Variants in MAL2 observed in about 807,000 individuals in gnomAD.
MAL2 encodes the protein protein MAL2.
In MAL2, 17 loss-of-function variants were observed where a neutral mutation model predicts 18.1. The ratio of observed to expected loss-of-function variants is 0.94; its 90% CI spans 0.64 to 1.41. The LOEUF is 1.41. Ranked by LOEUF, MAL2 falls within the 40% of genes most tolerant of loss-of-function variation. The pLI is 0.00. For missense variants in MAL2, 222 were observed against 231.9 expected, an observed-to-expected ratio of 0.96 and a Z score of 0.28; for synonymous variants, 102 against 102.3, an observed-to-expected ratio of 1.00 and a Z score of 0.02.
At chr8:119,219,776 A>G (rs1817433524) in intron 1 of MAL2, among the ~76,000 whole-genome samples, 1 of 152,222 alleles carries the variant, frequency 6.6e-6, no homozygotes, top group South Asian at 2.1e-4. Flanking sequence ...ATGGAGAGCC[A>G]AAGGGATTTA....
Position 119,243,465 on chromosome 8 carries a change from G to C in MAL2, c.508G>C (p.Ala170Pro). The C allele has an allele frequency of 6.2e-7, 1 of 1,601,130 alleles. No individual in the cohort carries two copies. The highest frequency in any genetic ancestry group is 2.2e-5 in the East Asian group (1 of 44,612). The change falls in exon 4 of 4, where the codon GCT (alanine) becomes CCT (proline). Residue 170 changes from alanine (A) to proline (P), a missense_variant. Physicochemically the swap from Ala to Pro is conservative, Grantham distance 27. Coordinates refer to ENST00000614891, the MANE Select transcript of MAL2 (RefSeq NM_052886.3). ...TACYGCSLGL[A>P]LRRWRP Reference sequence around the variant, plus strand: ...TTGTTATGGTTGCAGTTTGGGTCTGGCTTTACGAAGATGGCGACCGTAACA... The same window carrying C: ...TTGTTATGGTTGCAGTTTGGGTCTGCCTTTACGAAGATGGCGACCGTAACA...
intron 2 of MAL2, among the ~76,000 whole-genome samples, chr8:119,225,703 C>G (rs1381305994): frequency 1.3e-5 from 2 of 152,182 alleles, no homozygotes; most frequent in Non-Finnish European, 2.9e-5. Context: ...ACACTGACTT[C>G]CACAATGGTT....
At chr8:119,236,514 C>A (rs992210031) in intron 2 of MAL2, among the ~76,000 whole-genome samples, 3 of 151,224 alleles carry the variant, frequency 2.0e-5, no homozygotes, top group Admixed American at 1.3e-4. Flanking sequence ...CCACACCACA[C>A]CTATTCCAAA....
chr8:119,219,092 T>C (rs1817413286), intron 1 of MAL2, among the ~76,000 whole-genome samples: 1 of 152,220 alleles, frequency 6.6e-6, no homozygotes, highest in Non-Finnish European at 1.5e-5. Context: ...TTTTTTCTTT[T>C]ATAGGCACTG....
At chr8:119,213,480 A>AT (rs1249160478) in intron 1 of MAL2, among the ~76,000 whole-genome samples, 3 of 151,950 alleles carry the variant, frequency 2.0e-5, no homozygotes, top group Admixed American at 6.6e-5. Flanking sequence ...AACTGTAGGT[A>AT]TTTTTTTTCC....
chr8:119,212,783 A>G (rs1473174605), intron 1 of MAL2, among the ~76,000 whole-genome samples: 2 of 152,154 alleles, frequency 1.3e-5, no homozygotes, highest in East Asian at 1.9e-4. Context: ...AAGAAGGACA[A>G]TGGCAAGAAC....
intron 2 of MAL2, among the ~76,000 whole-genome samples, chr8:119,226,206 C>A (rs1036003651): frequency 6.6e-6 from 1 of 152,052 alleles, no homozygotes; most frequent in African/African-American, 2.4e-5. Flanking sequence ...GACATGAAGT[C>A]CTTGCCCATG....
chr8:119,243,110 G>A (rs1048431807), intron 3 of MAL2, among the ~76,000 whole-genome samples: 1 of 152,142 alleles, frequency 6.6e-6, no homozygotes, highest in Non-Finnish European at 1.5e-5. Flanking sequence ...AGTGCTTAGG[G>A]ATTCACAAAT....
rs573724416 is a variant in MAL2, at chr8:119,237,930, T to A, written c.304-2235T>A. Among the ~76,000 whole-genome samples, 7 of 152,344 alleles carry A rather than the reference T, an allele frequency of 4.6e-5. No individual in the cohort carries two copies. The East Asian group carries it at 1.2e-3, about 25-fold the overall frequency. Reference sequence around the variant, plus strand: ...TCCTATTCAACATAGTGTTGGAAGTTCTGGCCAGGGCCATCAGGCAGAAGG... The same window carrying A: ...TCCTATTCAACATAGTGTTGGAAGTACTGGCCAGGGCCATCAGGCAGAAGG... On this transcript the variant is annotated intron_variant, in intron 2 of 3. Coordinates refer to ENST00000614891, the MANE Select transcript of MAL2 (RefSeq NM_052886.3).
chr8:119,232,402 G>C (rs1032833436), intron 2 of MAL2, among the ~76,000 whole-genome samples: 1 of 152,084 alleles, frequency 6.6e-6, no homozygotes, highest in Non-Finnish European at 1.5e-5. Context: ...ATAAGGATGA[G>C]TAATAATGCA....
chr8:119,235,520 A>AG (rs1398277538), intron 2 of MAL2, among the ~76,000 whole-genome samples: 1 of 137,164 alleles, frequency 7.3e-6, no homozygotes, highest in East Asian at 2.2e-4. Context: ...GTTGAAATGA[A>AG]GGAAAAAATG....
intron 2 of MAL2, 57 bp downstream of exon 2, chr8:119,221,814 T>A: frequency 6.4e-7 from 1 of 1,565,668 alleles, no homozygotes; most frequent in Non-Finnish European, 8.7e-7. Flanking sequence ...CTGTATCCTA[T>A]TCTGTTCTGA....
At chr8:119,223,637 T>C (rs1432544097) in intron 2 of MAL2, among the ~76,000 whole-genome samples, 4 of 152,194 alleles carry the variant, frequency 2.6e-5, no homozygotes, top group African/African-American at 9.7e-5. Context: ...AGTAGTCTTT[T>C]AGCTCAGTAG....
At chr8:119,214,100 A>G (rs1414797126) in intron 1 of MAL2, among the ~76,000 whole-genome samples, 1 of 152,194 alleles carries the variant, frequency 6.6e-6, no homozygotes, top group Non-Finnish European at 1.5e-5. Context: ...ATTTGCAGTG[A>G]TATGGCTGAA....
intron 1 of MAL2, among the ~76,000 whole-genome samples, chr8:119,217,013 G>T (rs1156667580): frequency 6.6e-6 from 1 of 152,218 alleles, no homozygotes; most frequent in Non-Finnish European, 1.5e-5. Context: ...CCAAACAGGA[G>T]ATGAGTTAAG....
intron 2 of MAL2, 77 bp from the exon 3 acceptor site, chr8:119,240,088 C>T (rs540549294): frequency 2.7e-6 from 4 of 1,456,288 alleles, no homozygotes; most frequent in Admixed American, 3.7e-5. Flanking sequence ...CTTGCTAAAC[C>T]TAAACTTCAT....
chr8:119,211,482 C>G (rs1416003297), intron 1 of MAL2, among the ~76,000 whole-genome samples: 3 of 152,288 alleles, frequency 2.0e-5, no homozygotes, highest in East Asian at 1.9e-4. Flanking sequence ...ACACCATGCT[C>G]TTGGAGTTTG....
chr8:119,233,058 G>A lies in MAL2; in HGVS notation c.304-7107G>A, dbSNP rs181527522. ...GTGGTGCTGAAAAAATGTATATTCTGTTGATTTGGGGTGGTTGGGTACATA... is the reference window on the plus strand; with the variant it reads ...GTGGTGCTGAAAAAATGTATATTCTATTGATTTGGGGTGGTTGGGTACATA... On this transcript the variant is annotated intron_variant, in intron 2 of 3. Transcript: ENST00000614891. 1.3e-4 allele frequency among the ~76,000 whole-genome samples: 20 copies of A among 152,282 alleles called. No homozygotes were observed. The East Asian group carries it at 2.1e-3, about 16-fold the overall frequency.
chr8:119,220,643 C>T (rs1422278347), intron 1 of MAL2, among the ~76,000 whole-genome samples: 1 of 152,188 alleles, frequency 6.6e-6, no homozygotes, highest in Non-Finnish European at 1.5e-5. Flanking sequence ...GCACATGCCC[C>T]TCCTGTCTTG....
Sources: allele counts gnomAD v4.1 joint callset (sites outside exome capture counted in the v4.1 genomes callset), GRCh38; gene constraint gnomAD v4.1.1; transcripts MANE v1.5; gene names NCBI Gene and HGNC (gene_info 2026-07-23, HGNC 2026-07-21).